Variants in GRIK1 observed in about 807,000 individuals in gnomAD.
GRIK1 encodes glutamate ionotropic receptor kainate type subunit 1.
Under a neutral mutation model 105.7 loss-of-function variants are expected in GRIK1, and 69 were observed. That is an observed-to-expected ratio of 0.65 (90% CI 0.54 to 0.80). The LOEUF (loss-of-function observed/expected upper bound fraction) is 0.80, where lower values mean the gene tolerates loss of function less well. Among genes scored for constraint, GRIK1 ranks in the 30% least tolerant of loss-of-function variants. The probability of loss-of-function intolerance (pLI) is 0.00; values close to 1 mark genes in which losing one functional copy is unlikely to be tolerated. For missense variants in GRIK1, 1,109 were observed against 1,167.3 expected, an observed-to-expected ratio of 0.95 and a Z score of 0.73; for synonymous variants, 438 against 431.3, an observed-to-expected ratio of 1.02 and a Z score of -0.19.
intron 1 of GRIK1, among the ~76,000 whole-genome samples, chr21:29,845,275 C>T (rs898036192): frequency 2.6e-5 from 4 of 151,916 alleles, no homozygotes; most frequent in African/African-American, 9.7e-5. Flanking sequence ...AAATGCCAAA[C>T]GTCTTTTGCC....
At chr21:29,697,532 C>A (rs1202614108) in intron 1 of GRIK1, among the ~76,000 whole-genome samples, 1 of 152,008 alleles carries the variant, frequency 6.6e-6, no homozygotes, top group Non-Finnish European at 1.5e-5. Flanking sequence ...TAGCTCAAGA[C>A]CCCATCACAC....
intron 3 of GRIK1, among the ~76,000 whole-genome samples, chr21:29,680,100 A>C (rs772601837): frequency 2.0e-5 from 3 of 152,218 alleles, no homozygotes; most frequent in Non-Finnish European, 4.4e-5. Flanking sequence ...AATAAGTGTC[A>C]TACAGACCCA....
chr21:29,697,971 TTCTC>T (rs978506590), intron 1 of GRIK1, among the ~76,000 whole-genome samples: 7 of 151,074 alleles, frequency 4.6e-5, no homozygotes, highest in East Asian at 3.9e-4. Context: ...CTTTCTTTCT[TTCTC>T]TCTGTCTCTT....
intron 3 of GRIK1, among the ~76,000 whole-genome samples, chr21:29,680,654 C>T (rs2063354642): frequency 6.6e-6 from 1 of 152,190 alleles, no homozygotes; most frequent in Non-Finnish European, 1.5e-5. Context: ...ATTGCATGCC[C>T]TTCTGAATAG....
chr21:29,803,443 G>A (rs1459216165), intron 1 of GRIK1, among the ~76,000 whole-genome samples: 1 of 152,066 alleles, frequency 6.6e-6, no homozygotes, highest in Non-Finnish European at 1.5e-5. Context: ...TCTTATCCTG[G>A]AACAGGATTC....
rs375996206 is a variant in GRIK1, at chr21:29,936,521, A to G, written c.118+2862T>C. Reference sequence around the variant, plus strand: ...ACACTGGTGTATACAGAGAGGCAGGAATGACTCCAGCAGCTCCACACAATT... The same window carrying G: ...ACACTGGTGTATACAGAGAGGCAGGGATGACTCCAGCAGCTCCACACAATT... On this transcript the variant is annotated intron_variant, in intron 1 of 17. Transcript: ENST00000327783. Among the ~76,000 whole-genome samples the G allele has an allele frequency of 2.7e-3, 417 of 152,302 alleles. 3 individuals carry two copies. The highest frequency in any genetic ancestry group is 9.6e-3 in the African/African-American group (399 of 41,548).
intron 1 of GRIK1, among the ~76,000 whole-genome samples, chr21:29,822,495 T>C (rs1341766225): frequency 6.6e-6 from 1 of 152,054 alleles, no homozygotes; most frequent in African/African-American, 2.4e-5. Context: ...TTAGATGGAC[T>C]TATGACTGCT....
intron 7 of GRIK1, among the ~76,000 whole-genome samples, chr21:29,607,762 G>A (rs1257888569): frequency 1.3e-5 from 2 of 152,114 alleles, no homozygotes; most frequent in Non-Finnish European, 2.9e-5. Flanking sequence ...TTCCTGAAAA[G>A]AGGCTAGTTA....
At chr21:29,911,722 C>A (rs1013334524) in intron 1 of GRIK1, among the ~76,000 whole-genome samples, 4 of 151,826 alleles carry the variant, frequency 2.6e-5, no homozygotes, top group African/African-American at 9.7e-5. Context: ...CAGAGAACTC[C>A]CTCCCTCCTC....
At chr21:29,565,940 C>T (rs1216258008) in intron 14 of GRIK1, among the ~76,000 whole-genome samples, 1 of 152,200 alleles carries the variant, frequency 6.6e-6, no homozygotes, top group Admixed American at 6.5e-5. Context: ...GAATTGAGGG[C>T]TCTTTCTTCT....
intron 1 of GRIK1, among the ~76,000 whole-genome samples, chr21:29,896,485 C>T (rs2070165901): frequency 6.6e-6 from 1 of 152,052 alleles, no homozygotes. Context: ...CTGCCATATC[C>T]CCAGTATCTA....
At chr21:29,739,671 T>C (rs1191199587) in intron 1 of GRIK1, among the ~76,000 whole-genome samples, 1 of 152,228 alleles carries the variant, frequency 6.6e-6, no homozygotes, top group Non-Finnish European at 1.5e-5. Context: ...TTGAACAATA[T>C]GTAAACAAAT....
At chr21:29,658,265 T>A (rs919750527) in intron 4 of GRIK1, among the ~76,000 whole-genome samples, 5 of 152,170 alleles carry the variant, frequency 3.3e-5, no homozygotes, top group Admixed American at 6.5e-5. Flanking sequence ...TTCTTTTTTT[T>A]ATTTTTATTT....
intron 16 of GRIK1, 94 bp from the exon 17 acceptor site, chr21:29,537,978 G>A (rs1397323636): frequency 1.4e-5 from 9 of 652,720 alleles, no homozygotes; most frequent in East Asian, 1.1e-4. Flanking sequence ...AGCTGTGGTC[G>A]AAATGAAAAA....
Position 29,803,114 on chromosome 21 carries a change from A to G in GRIK1, c.119-109051T>C, listed in dbSNP as rs573162347. Reference sequence around the variant, plus strand: ...TACGATCTGAATTTGATGAGTGGATAACTATCCCTTAATAGACAATCTGGT... The same window carrying G: ...TACGATCTGAATTTGATGAGTGGATGACTATCCCTTAATAGACAATCTGGT... On this transcript the variant is annotated intron_variant, in intron 1 of 17. Coordinates refer to ENST00000327783, the MANE Select transcript of GRIK1 (RefSeq NM_001330994.2). Among the ~76,000 whole-genome samples the G allele has an allele frequency of 2.6e-5, 4 of 152,288 alleles. No individual in the cohort carries two copies. In the South Asian group the frequency reaches 8.3e-4, roughly 32 times the overall value.
intron 1 of GRIK1, among the ~76,000 whole-genome samples, chr21:29,826,418 C>T (rs73360375): frequency 6.6e-6 from 1 of 152,076 alleles, no homozygotes; most frequent in East Asian, 1.9e-4. Context: ...AATCCATGGA[C>T]TTTGAGTAAA....
chr21:29,805,695 T>G (rs2066844728), intron 1 of GRIK1, among the ~76,000 whole-genome samples: 1 of 152,082 alleles, frequency 6.6e-6, no homozygotes, highest in African/African-American at 2.4e-5. Flanking sequence ...ATGCACAGGG[T>G]GCCAATTCTC....
intron 1 of GRIK1, among the ~76,000 whole-genome samples, chr21:29,863,046 G>A (rs1569169499): frequency 6.6e-6 from 1 of 152,126 alleles, no homozygotes; most frequent in African/African-American, 2.4e-5. Context: ...TTATCTCTGT[G>A]TATCTATGTG....
intron 1 of GRIK1, among the ~76,000 whole-genome samples, chr21:29,859,373 T>C (rs913971820): frequency 2.0e-5 from 3 of 150,110 alleles, no homozygotes; most frequent in African/African-American, 7.4e-5. Flanking sequence ...AAAAAGTATA[T>C]ATATATAAAA....
Sources: allele counts gnomAD v4.1 joint callset (sites outside exome capture counted in the v4.1 genomes callset), GRCh38; gene constraint gnomAD v4.1.1; transcripts MANE v1.5; gene names NCBI Gene and HGNC (gene_info 2026-07-23, HGNC 2026-07-21).